Variants in CARMIL1 observed in about 807,000 individuals in gnomAD.
CARMIL1 encodes capping protein regulator and myosin 1 linker 1.
Under a neutral mutation model 177.1 loss-of-function variants are expected in CARMIL1, and 90 were observed. That is an observed-to-expected ratio of 0.51 (90% CI 0.43 to 0.61). The LOEUF (loss-of-function observed/expected upper bound fraction) is 0.61, where lower values mean the gene tolerates loss of function less well. Ranked by LOEUF, CARMIL1 falls within the 20% of genes least tolerant of loss-of-function variation. The pLI is 0.00. For missense variants in CARMIL1, 1,380 were observed against 1,667.0 expected (o/e 0.83, Z 3.00); for synonymous variants, 577 against 606.2 (o/e 0.95, Z 0.71).
intron 15 of CARMIL1, 30 bp from the exon 16 acceptor site, chr6:25,495,081 C>A (rs771681940): frequency 2.3e-6 from 3 of 1,302,030 alleles, no homozygotes; most frequent in Non-Finnish European, 3.3e-6. Context: ...GAAGGTGTAA[C>A]CGCTTGTGTA....
chr6:25,544,998 C>T (rs1339562330), intron 26 of CARMIL1, among the ~76,000 whole-genome samples: 1 of 152,138 alleles, frequency 6.6e-6, no homozygotes, highest in Non-Finnish European at 1.5e-5. Flanking sequence ...TTCTCCCTTG[C>T]ATTATGTACA....
chr6:25,539,905 T>G, intron 25 of CARMIL1, 42 bp from the exon 26 acceptor site: 1 of 1,434,808 alleles, frequency 7.0e-7, no homozygotes, highest in Non-Finnish European at 9.3e-7. Context: ...GATTGAAATA[T>G]TTACCCAATT....
chr6:25,366,770 G>T lies in CARMIL1; in HGVS notation c.139-53344G>T, dbSNP rs866439195. On this transcript the variant is annotated intron_variant, in intron 2 of 36. Coordinates refer to ENST00000329474, the MANE Select transcript of CARMIL1 (RefSeq NM_017640.6). ...TCATGTCTGTACAGGTTGGCCCCTG[G>T]TAAGATGCTCATTTAAAAATGGTTG... Among the ~76,000 whole-genome samples, 21 of 152,130 alleles carry T rather than the reference G, an allele frequency of 1.4e-4. No individual in the cohort carries two copies. In the South Asian group the frequency reaches 2.3e-3, roughly 17 times the overall value.
chr6:25,518,661 ATGT>A (rs968234238), intron 22 of CARMIL1, among the ~76,000 whole-genome samples: 6 of 152,186 alleles, frequency 3.9e-5, no homozygotes, highest in South Asian at 2.1e-4. Context: ...TGCCACCCTG[ATGT>A]TGTTGTAGAC....
intron 2 of CARMIL1, among the ~76,000 whole-genome samples, chr6:25,295,171 GA>G (rs201127303): frequency 4.0e-5 from 6 of 151,470 alleles, no homozygotes; most frequent in African/African-American, 1.5e-4. Context: ...ATAATCATTG[GA>G]AAAAAAATCA....
At chr6:25,306,135 A>G (rs2690123) in intron 2 of CARMIL1, among the ~76,000 whole-genome samples, 82,471 of 151,772 alleles carry the variant, frequency 0.54, 22,476 homozygotes, top group Middle Eastern at 0.58. Context: ...CTGTTTCCAT[A>G]GAAACAGAAA....
intron 32 of CARMIL1, among the ~76,000 whole-genome samples, chr6:25,596,052 A>G (rs1814807361): frequency 6.6e-6 from 1 of 152,192 alleles, no homozygotes; most frequent in Non-Finnish European, 1.5e-5. Context: ...GAGGTGGTTT[A>G]TAAGCATTCG....
chr6:25,385,753 G>T (rs1792093042), intron 2 of CARMIL1, among the ~76,000 whole-genome samples: 1 of 152,100 alleles, frequency 6.6e-6, no homozygotes, highest in Non-Finnish European at 1.5e-5. Context: ...CTCTTTCATG[G>T]TGCAAATTAG....
intron 24 of CARMIL1, among the ~76,000 whole-genome samples, chr6:25,532,465 T>G (rs1175236156): frequency 6.6e-6 from 1 of 152,224 alleles, no homozygotes; most frequent in African/African-American, 2.4e-5. Flanking sequence ...GGGAATTTCT[T>G]AGGACATTAT....
Position 25,279,702 on chromosome 6 carries a change from C to A in CARMIL1, c.-94C>A. On this transcript the variant is annotated 5_prime_UTR_variant, in exon 1 of 37. The change creates a new upstream start codon in the 5' untranslated region. Coordinates refer to ENST00000329474, the MANE Select transcript of CARMIL1 (RefSeq NM_017640.6). Reference sequence around the variant, plus strand: ...GCCCACTTCCATTTGCAAGCTGCATCTGCCTCTCTAAAAAAATTGAGGAGT... The same window carrying A: ...GCCCACTTCCATTTGCAAGCTGCATATGCCTCTCTAAAAAAATTGAGGAGT... 8.4e-7 allele frequency: 1 copy of A among 1,195,598 alleles called. No homozygotes were observed. The highest frequency in any genetic ancestry group is 1.3e-6 in the Non-Finnish European group (1 of 798,584). 74.1% of individuals were successfully genotyped at this position (1,195,598 alleles called of 1,614,324 possible). A position where few individuals can be genotyped will look rare whatever the true frequency, so the allele number is the denominator to read the frequency against.
At chr6:25,476,490 T>C (rs11756844) in intron 11 of CARMIL1, among the ~76,000 whole-genome samples, 39,007 of 152,164 alleles carry the variant, frequency 0.26, 5,105 homozygotes, top group Admixed American at 0.29. Flanking sequence ...CTCCCACCTT[T>C]CTTTACTCTT....
intron 17 of CARMIL1, among the ~76,000 whole-genome samples, 198 bp downstream of exon 17, chr6:25,500,433 G>A (rs1395702022): frequency 6.6e-6 from 1 of 152,212 alleles, no homozygotes; most frequent in Non-Finnish European, 1.5e-5. Flanking sequence ...AAGCTTTCAA[G>A]TGTGTTTTTA....
intron 2 of CARMIL1, among the ~76,000 whole-genome samples, chr6:25,391,886 C>A (rs1280245687): frequency 6.6e-6 from 1 of 152,188 alleles, no homozygotes; most frequent in Non-Finnish European, 1.5e-5. Context: ...TTGGGTATTA[C>A]AACTTGAACT....
intron 2 of CARMIL1, among the ~76,000 whole-genome samples, chr6:25,400,521 A>G (rs149996755): frequency 5.9e-5 from 9 of 152,318 alleles, no homozygotes; most frequent in African/African-American, 1.4e-4. Flanking sequence ...TGAGAAATAG[A>G]TTATATCCAT....
intron 5 of CARMIL1, among the ~76,000 whole-genome samples, chr6:25,447,108 G>A (rs1798310579): frequency 6.6e-6 from 1 of 152,248 alleles, no homozygotes; most frequent in African/African-American, 2.4e-5. Context: ...GAGACAGGAA[G>A]TGAGCACATG....
intron 2 of CARMIL1, among the ~76,000 whole-genome samples, chr6:25,332,670 A>G (rs896027270): frequency 6.6e-6 from 1 of 151,802 alleles, no homozygotes; most frequent in African/African-American, 2.4e-5. Flanking sequence ...TGGAGATGTC[A>G]TTTAGTTTTC....
chr6:25,618,087 C>T lies in CARMIL1; in HGVS notation c.3980-1360C>T, dbSNP rs1759430641. Among the ~76,000 whole-genome samples, 3 of 152,106 alleles carry T rather than the reference C, an allele frequency of 2.0e-5. No individual in the cohort carries two copies. The South Asian group carries it at 6.2e-4, about 32-fold the overall frequency. ...GTTTTGAGTTATTTCAATTTAATGT[C>T]ATTAACTAAAGATTTAAATTTTTAT... is the stretch of plus-strand genomic sequence containing the variant. On this transcript the variant is annotated intron_variant, in intron 36 of 36. Coordinates refer to ENST00000329474, the MANE Select transcript of CARMIL1 (RefSeq NM_017640.6).
At chr6:25,424,088 C>G (rs1272687833) in intron 3 of CARMIL1, among the ~76,000 whole-genome samples, 1 of 152,088 alleles carries the variant, frequency 6.6e-6, no homozygotes, top group Non-Finnish European at 1.5e-5. Flanking sequence ...ACTTCCCTCC[C>G]CACTATTAAT....
rs1397568596 is a variant in CARMIL1, at chr6:25,551,315, G to T, written c.2504+230G>T. On this transcript the variant is annotated intron_variant, in intron 27 of 36. Coordinates refer to ENST00000329474, the MANE Select transcript of CARMIL1 (RefSeq NM_017640.6). Reference sequence around the variant, plus strand: ...ATTACTTAAGGACATAGAATTATCTGCTCTGTTTAAAGGTTTTATATTTAA... The same window carrying T: ...ATTACTTAAGGACATAGAATTATCTTCTCTGTTTAAAGGTTTTATATTTAA... 2.0e-5 allele frequency among the ~76,000 whole-genome samples: 3 copies of T among 152,130 alleles called. No homozygotes were observed. In the East Asian group the frequency reaches 5.8e-4, roughly 29 times the overall value.
Sources: allele counts gnomAD v4.1 joint callset (sites outside exome capture counted in the v4.1 genomes callset), GRCh38; gene constraint gnomAD v4.1.1; transcripts MANE v1.5; gene names NCBI Gene and HGNC (gene_info 2026-07-23, HGNC 2026-07-21).